Variants in GALNT14 observed in about 807,000 individuals in gnomAD.
The protein encoded by GALNT14 is UDP-GalNAc:polypeptide N-acetylgalactosaminyltransferase 14.
A neutral mutation model predicts 77.5 loss-of-function variants in GALNT14; 60 were observed. That is an observed-to-expected ratio of 0.77 (90% CI 0.63 to 0.96). GALNT14 has a LOEUF of 0.96. Among genes scored for constraint, GALNT14 ranks in the 40% least tolerant of loss-of-function variants. GALNT14 has a pLI of 0.00. For synonymous variants in GALNT14, 280 were observed against 281.7 expected (o/e 0.99, Z 0.06); for missense variants, 710 against 731.0 (o/e 0.97, Z 0.33).
intron 1 of GALNT14, among the ~76,000 whole-genome samples, chr2:31,005,435 C>T (rs559915092): frequency 1.3e-5 from 2 of 152,314 alleles, no homozygotes; most frequent in African/African-American, 4.8e-5. Flanking sequence ...AAGGACAATA[C>T]TAATCTTCAC....
intron 4 of GALNT14, among the ~76,000 whole-genome samples, chr2:30,957,695 G>C (rs1460932969): frequency 1.3e-5 from 2 of 152,164 alleles, no homozygotes; most frequent in African/African-American, 4.8e-5. Flanking sequence ...TCCAGCCTCA[G>C]AACTAGTGGG....
At chr2:30,963,302 C>G (rs1041960098) in intron 3 of GALNT14, among the ~76,000 whole-genome samples, 2 of 152,244 alleles carry the variant, frequency 1.3e-5, no homozygotes, top group African/African-American at 4.8e-5. Flanking sequence ...CCCAGGAAAG[C>G]TGACGCCTGA....
chr2:30,943,188 C>A (rs947132683), intron 8 of GALNT14, among the ~76,000 whole-genome samples: 1 of 152,176 alleles, frequency 6.6e-6, no homozygotes, highest in African/African-American at 2.4e-5. Context: ...TTACAGCAGC[C>A]CTAGCAAACT....
chr2:31,024,127 A>G (rs912661416), intron 1 of GALNT14, among the ~76,000 whole-genome samples: 1 of 151,672 alleles, frequency 6.6e-6, no homozygotes, highest in Admixed American at 6.6e-5. Context: ...CTCTATCTCA[A>G]TCCCTACTGT....
At chr2:31,113,486 T>C (rs1273357321) in intron 1 of GALNT14, among the ~76,000 whole-genome samples, 2 of 152,018 alleles carry the variant, frequency 1.3e-5, no homozygotes, top group Non-Finnish European at 2.9e-5. Flanking sequence ...TCTGAGGGGA[T>C]CTCCTGTCTC....
intron 13 of GALNT14, among the ~76,000 whole-genome samples, chr2:30,916,019 A>C (rs963919636): frequency 9.9e-5 from 15 of 152,180 alleles, no homozygotes; most frequent in African/African-American, 3.4e-4. Context: ...CTCCACAAAC[A>C]AGTTTTATTG....
At chr2:31,132,861 C>A in intron 1 of GALNT14, 1 of 388,632 alleles carries the variant, frequency 2.6e-6, no homozygotes, top group South Asian at 2.0e-5. Flanking sequence ...AATTCTAAAC[C>A]TCCCCAGTTG....
At chr2:30,924,401 C>T in intron 12 of GALNT14, 138 bp from the exon 13 acceptor site, 1 of 873,774 alleles carries the variant, frequency 1.1e-6, no homozygotes, top group Non-Finnish European at 1.8e-6. Flanking sequence ...CGGGGAAGGG[C>T]AGGGTGCCAC....
intron 1 of GALNT14, among the ~76,000 whole-genome samples, chr2:31,102,763 G>A (rs1178571081): frequency 1.3e-5 from 2 of 152,034 alleles, no homozygotes; most frequent in Non-Finnish European, 2.9e-5. Context: ...CGTTACCAGC[G>A]TGTTTTCGTC....
At chr2:30,928,526 G>T (rs552749634) in intron 11 of GALNT14, among the ~76,000 whole-genome samples, 42 of 152,240 alleles carry the variant, frequency 2.8e-4, no homozygotes, top group African/African-American at 9.9e-4. Context: ...TGTAAACCAG[G>T]AGTCATTACG....
At chr2:30,911,762 A>G (rs904725160) in intron 14 of GALNT14, among the ~76,000 whole-genome samples, 11 of 152,220 alleles carry the variant, frequency 7.2e-5, no homozygotes, top group Non-Finnish European at 8.8e-5. Flanking sequence ...ACCAATACCC[A>G]GTTGGCAAGA....
At position 30,945,866 on chromosome 2, in the gene GALNT14, T is replaced by C. The variant is rs1183616677; in HGVS notation, c.659A>G (p.Tyr220Cys). ...QPLLHRVKED[Y>C]TRVVCPVIDI... ...GATCACAGGGCACACCACCCGCGTGTAGTCCTGTAAGACAACAGACCCGCA... is the reference window on the plus strand; with the variant it reads ...GATCACAGGGCACACCACCCGCGTGCAGTCCTGTAAGACAACAGACCCGCA... The change falls in exon 7 of 15, where the codon TAC (tyrosine) becomes TGC (cysteine). Residue 220 changes from tyrosine to cysteine, a missense_variant. Physicochemically the swap from Tyr to Cys is radical, Grantham distance 194. Transcript: ENST00000349752. 3.1e-6 allele frequency: 5 copies of C among 1,614,028 alleles called. No individual in the cohort carries two copies. The highest frequency in any genetic ancestry group is 2.5e-6 in the Non-Finnish European group (3 of 1,179,892).
At chr2:31,017,383 A>T (rs979221209) in intron 1 of GALNT14, among the ~76,000 whole-genome samples, 1 of 152,252 alleles carries the variant, frequency 6.6e-6, no homozygotes, top group Non-Finnish European at 1.5e-5. Flanking sequence ...CTCCACTATG[A>T]TCTTAATGAC....
At chr2:30,991,003 C>T (rs1224399287) in intron 2 of GALNT14, 2 of 152,256 alleles carry the variant, frequency 1.3e-5, no homozygotes, top group Non-Finnish European at 2.9e-5. Context: ...TCCTTGGAAA[C>T]AGGCTCAGTT....
chr2:30,901,801 C>T, the GALNT14 span, among the ~76,000 whole-genome samples: 154 of 152,154 alleles, frequency 1.0e-3, no homozygotes, highest in Middle Eastern at 0.034. Flanking sequence ...CCTTGGGGGA[C>T]GGGGCTTCTG....
At chr2:30,961,498 C>T (rs926643468) in intron 3 of GALNT14, among the ~76,000 whole-genome samples, 19 of 152,112 alleles carry the variant, frequency 1.2e-4, no homozygotes, top group Admixed American at 1.1e-3. Flanking sequence ...AGGAGCTCAC[C>T]ATGCCTGGCA....
intron 1 of GALNT14, among the ~76,000 whole-genome samples, chr2:31,105,333 T>G (rs1276035019): frequency 6.6e-6 from 1 of 152,238 alleles, no homozygotes; most frequent in Non-Finnish European, 1.5e-5. Context: ...TCTTGAGCAT[T>G]TCCTGACTTT....
At chr2:31,065,729 G>A (rs1674906423) in intron 1 of GALNT14, among the ~76,000 whole-genome samples, 1 of 152,168 alleles carries the variant, frequency 6.6e-6, no homozygotes, top group South Asian at 2.1e-4. Context: ...TTCAAATCGT[G>A]CTGGGGAGCC....
intron 1 of GALNT14, among the ~76,000 whole-genome samples, chr2:31,127,266 T>C (rs960269446): frequency 6.6e-6 from 1 of 152,200 alleles, no homozygotes; most frequent in Non-Finnish European, 1.5e-5. Context: ...TTGTACTTTA[T>C]ATAAATGCAA....
Sources: gnomAD v4.1 joint callset for allele counts (sites outside exome capture counted in the v4.1 genomes callset) on GRCh38, gnomAD v4.1.1 for gene constraint, MANE v1.5 for transcripts, NCBI Gene and HGNC (gene_info 2026-07-23, HGNC 2026-07-21) for gene names.